LRRC61: variants seen among roughly 807,000 people sequenced by gnomAD.
LRRC61 encodes the protein leucine-rich repeat-containing protein 61.
Under a neutral mutation model 15.1 loss-of-function variants are expected in LRRC61, and 9 were observed. The observed-to-expected ratio is 0.60, with a 90% CI of 0.36 to 1.04. The LOEUF is 1.04. LRRC61 is among the 50% of genes least tolerant of loss of function. The pLI is 0.01. For missense variants in LRRC61, 344 were observed against 335.6 expected (o/e 1.03, Z -0.20); for synonymous variants, 173 against 158.6 (o/e 1.09, Z -0.68).
rs1798064654 is a variant in LRRC61 at position 150,330,276 on chromosome 7, C to G, written c.-145+4266C>G. 1.6e-6 allele frequency: 1 copy of G among 641,160 alleles called. No individual in the cohort carries two copies. Among genetic ancestry groups the G allele is most frequent in the Non-Finnish European group, 2.8e-6 (1 of 358,874 alleles). The allele number at this position is 641,160 out of a possible 1,614,324, so 39.7% of individuals were successfully genotyped here. On this transcript the variant is annotated intron_variant, in intron 2 of 2. Transcript: ENST00000359623. The surrounding 1 kb of genome is among the most constrained non-coding windows in gnomAD (Gnocchi z 4.6). ...CTCGGCCTACCACCTGCTGGAGTGG[C>G]TGGTGGAGCAGCAGCAGCCCCTTCA...
In LRRC61 at chr7:150,330,555, G is replaced by A. The variant is rs1211920944; in HGVS notation, c.-145+4545G>A. 1.3e-6 allele frequency: 1 copy of A among 778,074 alleles called. No homozygotes were observed. The highest frequency in any genetic ancestry group is 2.4e-6 in the Non-Finnish European group (1 of 417,028). The allele number at this position is 778,074 out of a possible 1,614,324, so 48.2% of individuals were successfully genotyped here. ...GGGCGCAGCCATCCAGCTGGCTGAGGGGTTGGCCCGGCAGCTCTGCACCGA... is the reference window on the plus strand; with the variant it reads ...GGGCGCAGCCATCCAGCTGGCTGAGAGGTTGGCCCGGCAGCTCTGCACCGA... On this transcript the variant is annotated intron_variant, in intron 2 of 2. Transcript: ENST00000359623. This position sits in a 1 kb window ranked among gnomAD's most constrained non-coding sequence, Gnocchi z 4.6.
chr7:150,327,746 G>A (rs1408045140), intron 2 of LRRC61, among the ~76,000 whole-genome samples: 2 of 151,642 alleles, frequency 1.3e-5, no homozygotes, highest in Non-Finnish European at 2.9e-5. Context: ...CTTAAGCCTG[G>A]GAGGTTGAGG....
the LRRC61 span, among the ~76,000 whole-genome samples, chr7:150,316,776 G>A: frequency 6.6e-6 from 1 of 152,024 alleles, no homozygotes; most frequent in African/African-American, 2.4e-5. Context: ...GAGCCACCAC[G>A]CCTGGCCAAG....
chr7:150,324,782 T>C (rs1180985198), intron 1 of LRRC61, among the ~76,000 whole-genome samples: 1 of 152,146 alleles, frequency 6.6e-6, no homozygotes, highest in East Asian at 1.9e-4. Context: ...TTCTCTCTGT[T>C]TAGGGACAGA....
At chr7:150,316,274 A>T in the LRRC61 span, among the ~76,000 whole-genome samples, 2 of 152,186 alleles carry the variant, frequency 1.3e-5, no homozygotes. Context: ...TAAGCAATAC[A>T]TTGGGCCTGT....
In LRRC61 at chr7:150,336,718, G is replaced by C; in HGVS notation, c.-144G>C. 1 of 1,088,988 alleles carries C rather than the reference G, an allele frequency of 9.2e-7. No homozygotes were observed. Among genetic ancestry groups the C allele is most frequent in the Non-Finnish European group, 1.3e-6 (1 of 764,006 alleles). The allele number at this position is 1,088,988 out of a possible 1,614,324, so 67.5% of individuals were successfully genotyped here. On this transcript the variant is annotated splice_region_variant and 5_prime_UTR_variant, in exon 3 of 3. Transcript: ENST00000359623. ...CTGCTGACTGACTGTCTCTCCTCAG[G>C]GACTGGCTGGCTTCGAGCAGGGCAT...
chr7:150,316,153 C>T, the LRRC61 span, among the ~76,000 whole-genome samples: 12 of 152,328 alleles, frequency 7.9e-5, no homozygotes, highest in Admixed American at 6.5e-4. Flanking sequence ...GCCGAGATCA[C>T]GCCATTGCAC....
chr7:150,327,148 C>CTT (rs59527488), intron 2 of LRRC61, among the ~76,000 whole-genome samples: 2 of 142,930 alleles, frequency 1.4e-5, no homozygotes, highest in African/African-American at 2.6e-5. Context: ...TCTTTTTTAT[C>CTT]TTTTTTTTTT....
Position 150,337,584 on chromosome 7 carries a change from G to A in LRRC61, c.723G>A (p.Leu241=), listed in dbSNP as rs368294440. ...TGGACCGCCAGGCCAGCGACAGCCT[G>A]GCCCAGGCGGAGCAGGTACTCAGCT... ...WDLDRQASDS[L]AQAEQVLSSA... The change falls in exon 3 of 3, where the codon CTG becomes CTA. Residue 241 remains leucine, a synonymous_variant. Transcript: ENST00000359623. The A allele has an allele frequency of 2.5e-6, 4 of 1,574,478 alleles. No homozygotes were observed. The highest frequency in any genetic ancestry group is 3.5e-4 in the Middle Eastern group (2 of 5,774).
chr7:150,329,952 T>G (rs1187510712), intron 2 of LRRC61: 1 of 167,684 alleles, frequency 6.0e-6, no homozygotes, highest in Admixed American at 5.6e-5. Flanking sequence ...GGCCAGCCTG[T>G]GGCTGGGCCG....
chr7:150,337,793 C>T lies in LRRC61; in HGVS notation c.*152C>T. 1 of 802,030 alleles carries T rather than the reference C, an allele frequency of 1.2e-6. No homozygotes were observed. The highest frequency in any genetic ancestry group is 1.9e-6 in the Non-Finnish European group (1 of 518,684). The allele number at this position is 802,030 out of a possible 1,614,324, so 49.7% of individuals were successfully genotyped here. The stretch of plus-strand genomic sequence containing the variant: ...TCCCTATCCTGAGAGCAGCCCCTCC[C>T]CACCATCCCTCCACATGCTGCAAGG... On this transcript the variant is annotated 3_prime_UTR_variant, in exon 3 of 3. Transcript: ENST00000359623.
In LRRC61 at chr7:150,337,801, C is replaced by A. The variant is rs1798359742; in HGVS notation, c.*160C>A. On this transcript the variant is annotated 3_prime_UTR_variant, in exon 3 of 3. Transcript: ENST00000359623. ...CTGAGAGCAGCCCCTCCCCACCATC[C>A]CTCCACATGCTGCAAGGACAGACTG... 4.0e-6 allele frequency: 3 copies of A among 754,246 alleles called. No homozygotes were observed. The highest frequency in any genetic ancestry group is 4.2e-6 in the Non-Finnish European group (2 of 475,564). The allele number at this position is 754,246 out of a possible 1,614,324, so 46.7% of individuals were successfully genotyped here.
chr7:150,322,903 T>C (rs1001693033), upstream of LRRC61: 4 of 152,390 alleles, frequency 2.6e-5, no homozygotes, highest in African/African-American at 9.6e-5. Flanking sequence ...CCTGGATCCT[T>C]ATCGTCTTTG....
intron 2 of LRRC61, chr7:150,332,592 T>G (rs1798144997): frequency 1.2e-5 from 2 of 167,118 alleles, no homozygotes; most frequent in African/African-American, 4.8e-5. Flanking sequence ...AGAGATAGCC[T>G]CTATCAATAG....
chr7:150,313,298 T>C, the LRRC61 span, among the ~76,000 whole-genome samples: 1 of 152,120 alleles, frequency 6.6e-6, no homozygotes, highest in Admixed American at 6.5e-5. Flanking sequence ...TTCAGAAAGG[T>C]GGGACAACTT....
the LRRC61 span, among the ~76,000 whole-genome samples, chr7:150,312,360 C>T: frequency 1.3e-5 from 2 of 152,194 alleles, no homozygotes; most frequent in African/African-American, 2.4e-5. Context: ...AACTATTGAA[C>T]TTCTCCGTTC....
chr7:150,316,094 G>A, the LRRC61 span, among the ~76,000 whole-genome samples: 5 of 152,184 alleles, frequency 3.3e-5, no homozygotes, highest in African/African-American at 9.6e-5. Context: ...CTATTCAGGA[G>A]GCTAAGGCAG....
the LRRC61 span, among the ~76,000 whole-genome samples, chr7:150,318,174 G>A: frequency 6.6e-6 from 1 of 152,182 alleles, no homozygotes; most frequent in Non-Finnish European, 1.5e-5. Context: ...TATCAGCCAG[G>A]ATGGGGAGGT....
chr7:150,313,776 A>G, the LRRC61 span, among the ~76,000 whole-genome samples: 1 of 152,150 alleles, frequency 6.6e-6, no homozygotes, highest in Admixed American at 6.5e-5. Flanking sequence ...TGTGTTATGG[A>G]TACACACATA....
Sources: gnomAD v4.1 joint callset for allele counts (sites outside exome capture counted in the v4.1 genomes callset) on GRCh38, gnomAD v4.1.1 for gene constraint, Gnocchi (gnomAD v3.1) non-coding constraint, MANE v1.5 for transcripts, NCBI Gene and HGNC (gene_info 2026-07-23, HGNC 2026-07-21) for gene names.